The following ANKRD30B variants were observed in gnomAD, a reference collection of about 807,000 sequenced individuals.
ANKRD30B encodes the protein ankyrin repeat domain-containing protein 30B.
A neutral mutation model predicts 202.2 loss-of-function variants in ANKRD30B; 144 were observed. That is an observed-to-expected ratio of 0.71 (90% CI 0.62 to 0.82). The LOEUF (loss-of-function observed/expected upper bound fraction) is 0.82. Among genes scored for constraint, ANKRD30B ranks in the 40% least tolerant of loss-of-function variants. The pLI is 0.00. For missense variants in ANKRD30B, 1,487 were observed against 1,669.1 expected, an observed-to-expected ratio of 0.89 and a Z score of 1.90; for synonymous variants, 508 against 561.3, an observed-to-expected ratio of 0.91 and a Z score of 1.34.
At chr18:14,921,854 C>T in the ANKRD30B span, among the ~76,000 whole-genome samples, 7 of 152,184 alleles carry the variant, frequency 4.6e-5, no homozygotes. Flanking sequence ...TTTTCCGATG[C>T]ATAAATTGTG....
intron 30 of ANKRD30B, among the ~76,000 whole-genome samples, chr18:14,821,278 C>G (rs139456271): frequency 6.6e-6 from 1 of 151,700 alleles, no homozygotes; most frequent in Non-Finnish European, 1.5e-5. Flanking sequence ...GTCTTGCTAG[C>G]GGTCTATCAA....
intron 1 of ANKRD30B, among the ~76,000 whole-genome samples, chr18:14,751,098 T>G (rs1461404708): frequency 6.6e-6 from 1 of 152,032 alleles, no homozygotes; most frequent in Non-Finnish European, 1.5e-5. Context: ...TTTAGCATCT[T>G]CAGAAGAGAA....
the ANKRD30B span, among the ~76,000 whole-genome samples, chr18:14,917,567 T>TG: frequency 1.3e-5 from 2 of 152,190 alleles, no homozygotes; most frequent in South Asian, 4.1e-4. Flanking sequence ...GTAAATCAGG[T>TG]GGGGGAGAAA....
At chr18:14,922,586 C>T in the ANKRD30B span, among the ~76,000 whole-genome samples, 34 of 145,364 alleles carry the variant, frequency 2.3e-4, no homozygotes, top group Non-Finnish European at 4.5e-4. Flanking sequence ...ACCTGGGAGG[C>T]AGAGCTTGCA....
At chr18:14,821,116 A>T (rs1437261872) in intron 30 of ANKRD30B, among the ~76,000 whole-genome samples, 4 of 152,166 alleles carry the variant, frequency 2.6e-5, no homozygotes, top group Admixed American at 2.6e-4. Context: ...CGAGGAATTT[A>T]TCTATTTATT....
At chr18:14,931,977 T>TCCCTCCTCCCTCCTGCTCC in the ANKRD30B span, among the ~76,000 whole-genome samples, 1 of 13,826 alleles carries the variant, frequency 7.2e-5, no homozygotes, top group Non-Finnish European at 1.5e-4. Flanking sequence ...CCTCCTGTAC[T>TCCCTCCTCCCTCCTGCTCC]GTCCCAGGCC....
chr18:14,774,551 C>G (rs542870638), intron 9 of ANKRD30B, among the ~76,000 whole-genome samples: 21 of 151,980 alleles, frequency 1.4e-4, no homozygotes, highest in Admixed American at 4.6e-4. Context: ...TTCTCTGTTT[C>G]TTGGAAGAAG....
At chr18:14,898,166 T>C in the ANKRD30B span, among the ~76,000 whole-genome samples, 2 of 152,216 alleles carry the variant, frequency 1.3e-5, no homozygotes, top group African/African-American at 4.8e-5. Context: ...TTGTCTGAAA[T>C]ATAGTTTATT....
downstream of ANKRD30B, among the ~76,000 whole-genome samples, chr18:14,856,172 G>T (rs548312657): frequency 4.1e-5 from 6 of 146,486 alleles, no homozygotes; most frequent in African/African-American, 1.3e-4. Flanking sequence ...AGGCAGAGGC[G>T]CTCCTCACTT....
the ANKRD30B span, chr18:14,905,763 T>G: frequency 6.6e-6 from 1 of 152,190 alleles, no homozygotes; most frequent in Non-Finnish European, 1.5e-5. Context: ...TAAAGTGTGT[T>G]AATTTCTTTC....
intron 39 of ANKRD30B, among the ~76,000 whole-genome samples, chr18:14,847,739 C>T (rs1971712711): frequency 1.3e-5 from 2 of 151,610 alleles, no homozygotes; most frequent in African/African-American, 4.9e-5. Flanking sequence ...TGAGGCAAGG[C>T]CTTTCAGACT....
chr18:14,774,818 T>C (rs1967248290), intron 9 of ANKRD30B, among the ~76,000 whole-genome samples: 1 of 151,848 alleles, frequency 6.6e-6, no homozygotes, highest in Non-Finnish European at 1.5e-5. Context: ...TTCTAGGTTA[T>C]TTTAGCTAAA....
the ANKRD30B span, among the ~76,000 whole-genome samples, chr18:14,881,551 G>A: frequency 5.9e-5 from 9 of 152,146 alleles, no homozygotes; most frequent in East Asian, 1.5e-3. Context: ...TTCTTTTTTG[G>A]TTATGTTCTT....
At position 14,764,038 on chromosome 18, in the gene ANKRD30B, T is replaced by G; in HGVS notation, c.1173T>G (p.Ser391=). The G allele has an allele frequency of 6.4e-7, 1 of 1,564,224 alleles. No homozygotes were observed. Among genetic ancestry groups the G allele is most frequent in the Non-Finnish European group, 8.6e-7 (1 of 1,161,828 alleles). ...NKTEVLEKGT[S]NMIACPTKET... is the part of the protein sequence containing the mutation. ...CTGAAGTTTTGGAAAAAGGAACATC[T>G]AATATGATTGCATGTCCTACAAAAG... Residue 391 remains serine (S), a synonymous_variant, in exon 7 of 44, where the codon TCT becomes TCG. Transcript: ENST00000690538.
At chr18:14,792,213 A>G (rs1445459106) in intron 16 of ANKRD30B, among the ~76,000 whole-genome samples, 2 of 152,286 alleles carry the variant, frequency 1.3e-5, no homozygotes, top group African/African-American at 2.4e-5. Context: ...AGGTGATGCT[A>G]TTGCTGGTGG....
At chr18:14,760,828 T>A (rs1915145189) in intron 6 of ANKRD30B, among the ~76,000 whole-genome samples, 1 of 152,168 alleles carries the variant, frequency 6.6e-6, no homozygotes, top group Non-Finnish European at 1.5e-5. Flanking sequence ...AATTTAGGTG[T>A]AGGTAGTTTA....
At chr18:14,886,077 A>T in the ANKRD30B span, among the ~76,000 whole-genome samples, 8 of 152,008 alleles carry the variant, frequency 5.3e-5, no homozygotes, top group Admixed American at 5.2e-4. Context: ...CACAGTATAG[A>T]TTAGTCATTC....
chr18:14,867,465 G>A, the ANKRD30B span, among the ~76,000 whole-genome samples: 26 of 152,158 alleles, frequency 1.7e-4, no homozygotes, highest in African/African-American at 4.1e-4. Flanking sequence ...ACTTCTGCTC[G>A]TGTTGGAGCG....
chr18:14,849,152 A>G (rs1568075100), intron 40 of ANKRD30B, among the ~76,000 whole-genome samples: 2 of 151,890 alleles, frequency 1.3e-5, no homozygotes, highest in Non-Finnish European at 2.9e-5. Flanking sequence ...GCTATATAGA[A>G]GGCCATTATT....
Sources: allele counts gnomAD v4.1 joint callset (sites outside exome capture counted in the v4.1 genomes callset), GRCh38; gene constraint gnomAD v4.1.1; transcripts MANE v1.5; gene names NCBI Gene and HGNC (gene_info 2026-07-23, HGNC 2026-07-21).